Variants in SLC71A2 observed in about 807,000 individuals in gnomAD.
SLC71A2 encodes solute carrier family 71 member 2.
chr9:94,440,693 G>C, the SLC71A2 span, among the ~76,000 whole-genome samples: 17 of 151,768 alleles, frequency 1.1e-4, no homozygotes, highest in Non-Finnish European at 2.1e-4. Flanking sequence ...TTTTCTGTCT[G>C]TTGGCTACCT....
At chr9:94,411,952 G>A in the SLC71A2 span, among the ~76,000 whole-genome samples, 2 of 152,060 alleles carry the variant, frequency 1.3e-5, no homozygotes, top group African/African-American at 4.8e-5. Context: ...CATAGTTTAG[G>A]GATAAAGTAG....
chr9:94,419,585 G>A, the SLC71A2 span, among the ~76,000 whole-genome samples: 3 of 152,148 alleles, frequency 2.0e-5, no homozygotes, highest in East Asian at 1.9e-4. Flanking sequence ...GATCACTGGC[G>A]TGAGCCACTG....
chr9:94,431,543 T>C, the SLC71A2 span, among the ~76,000 whole-genome samples: 1 of 152,030 alleles, frequency 6.6e-6, no homozygotes, highest in African/African-American at 2.4e-5. Context: ...GTATGTCTTT[T>C]TACTAAAGAA....
the SLC71A2 span, chr9:94,446,836 T>C: frequency 1.9e-6 from 3 of 1,597,564 alleles, no homozygotes; most frequent in Non-Finnish European, 2.6e-6. Context: ...TTGAAGAAAG[T>C]TGGAAAAGAT....
chr9:94,446,683 G>A, the SLC71A2 span: 1 of 501,136 alleles, frequency 2.0e-6, no homozygotes, highest in Non-Finnish European at 3.6e-6. Context: ...CAGAAAGATG[G>A]TGATAGAACT....
chr9:94,417,927 G>T, the SLC71A2 span, among the ~76,000 whole-genome samples: 2 of 121,162 alleles, frequency 1.7e-5, no homozygotes, highest in Admixed American at 1.3e-4. Flanking sequence ...CGTGATCTCA[G>T]CTCCCTGCAT....
chr9:94,460,168 C>G, the SLC71A2 span: 1 of 152,584 alleles, frequency 6.6e-6, no homozygotes, highest in Non-Finnish European at 1.5e-5. Context: ...AAAAAAACAA[C>G]TCAAGCATTC....
At chr9:94,452,645 A>G in the SLC71A2 span, among the ~76,000 whole-genome samples, 2 of 90,952 alleles carry the variant, frequency 2.2e-5, no homozygotes, top group African/African-American at 7.5e-5. Flanking sequence ...TCATATATAT[A>G]TTCATATATA....
chr9:94,406,578 G>A, the SLC71A2 span, among the ~76,000 whole-genome samples: 9 of 152,070 alleles, frequency 5.9e-5, no homozygotes, highest in South Asian at 4.2e-4. Flanking sequence ...TCACTATGTC[G>A]CCTGGGAGGG....
chr9:94,403,416 G>T, the SLC71A2 span, among the ~76,000 whole-genome samples: 513 of 151,378 alleles, frequency 3.4e-3, 2 homozygotes, highest in African/African-American at 0.011. Flanking sequence ...GGGATTACAG[G>T]CATGAGCCAC....
the SLC71A2 span, chr9:94,458,262 CTCCAAATCTTGAGA>C: frequency 3.9e-6 from 6 of 1,520,180 alleles, no homozygotes; most frequent in African/African-American, 7.0e-5. Flanking sequence ...TACTGTGCAG[CTCCAAATCTTGAGA>C]TGCCTTTCTG....
the SLC71A2 span, among the ~76,000 whole-genome samples, chr9:94,385,975 A>T: frequency 6.6e-6 from 1 of 152,004 alleles, no homozygotes; most frequent in Admixed American, 6.6e-5. Context: ...TGTAATCTTA[A>T]ACTCCTGGGC....
At chr9:94,377,172 C>T in the SLC71A2 span, among the ~76,000 whole-genome samples, 1 of 151,122 alleles carries the variant, frequency 6.6e-6, no homozygotes, top group Non-Finnish European at 1.5e-5. Flanking sequence ...TGCTAGTACC[C>T]CTGAATTATG....
the SLC71A2 span, among the ~76,000 whole-genome samples, chr9:94,379,169 C>T: frequency 4.0e-5 from 6 of 149,396 alleles, no homozygotes; most frequent in African/African-American, 1.2e-4. Context: ...TCACTACAGC[C>T]TCTGCCTGCC....
At chr9:94,374,623 C>G in the SLC71A2 span, 1 of 153,356 alleles carries the variant, frequency 6.5e-6, no homozygotes, top group African/African-American at 2.4e-5. Flanking sequence ...GTTCCTGGAG[C>G]TGCGGTCTTC....
chr9:94,457,436 G>C, the SLC71A2 span, among the ~76,000 whole-genome samples: 3 of 146,646 alleles, frequency 2.0e-5, no homozygotes, highest in Non-Finnish European at 3.0e-5. Context: ...TATTGGAAAG[G>C]ATGGTTTATT....
At chr9:94,382,902 C>T in the SLC71A2 span, among the ~76,000 whole-genome samples, 1 of 152,086 alleles carries the variant, frequency 6.6e-6, no homozygotes, top group Non-Finnish European at 1.5e-5. Context: ...ACCGCGCTAG[C>T]CAGGATGGTC....
chr9:94,383,328 A>G, the SLC71A2 span, among the ~76,000 whole-genome samples: 1 of 151,634 alleles, frequency 6.6e-6, no homozygotes, highest in Non-Finnish European at 1.5e-5. Flanking sequence ...ACACCTGGCT[A>G]ATTTTTGTAT....
the SLC71A2 span, among the ~76,000 whole-genome samples, chr9:94,430,159 T>C: frequency 1.3e-5 from 2 of 151,424 alleles, no homozygotes; most frequent in African/African-American, 4.9e-5. Flanking sequence ...TGCCTTGGCC[T>C]CCCAAAGTGC....
Sources: allele counts gnomAD v4.1 joint callset (sites outside exome capture counted in the v4.1 genomes callset), GRCh38; gene constraint gnomAD v4.1.1; transcripts MANE v1.5; gene names NCBI Gene and HGNC (gene_info 2026-07-23, HGNC 2026-07-21).